FOXN3: variants seen among roughly 807,000 people sequenced by gnomAD.
FOXN3 encodes the protein forkhead box N3.
In FOXN3, 7 loss-of-function variants were observed where a neutral mutation model predicts 38.4. That is an observed-to-expected ratio of 0.18 (90% CI 0.10 to 0.34). The LOEUF is 0.34. Ranked by LOEUF, FOXN3 falls within the 10% of genes least tolerant of loss-of-function variation. The pLI is 1.00. For synonymous variants in FOXN3, 230 were observed against 242.2 expected, an observed-to-expected ratio of 0.95 and a Z score of 0.47; for missense variants, 456 against 613.4, an observed-to-expected ratio of 0.74 and a Z score of 2.71.
chr14:89,354,637 C>A (rs1889130968), intron 2 of FOXN3, among the ~76,000 whole-genome samples: 1 of 151,146 alleles, frequency 6.6e-6, no homozygotes, highest in South Asian at 2.1e-4. Flanking sequence ...GGTGGATCAC[C>A]TGAGGTCAGG....
chr14:89,381,079 T>C (rs561535542), intron 2 of FOXN3, among the ~76,000 whole-genome samples: 1 of 144,852 alleles, frequency 6.9e-6, no homozygotes, highest in South Asian at 2.2e-4. Flanking sequence ...GAAGCAGCGA[T>C]TGCAGTGAGC....
chr14:89,492,404 C>G (rs1172492385), intron 1 of FOXN3, among the ~76,000 whole-genome samples: 1 of 143,078 alleles, frequency 7.0e-6, no homozygotes, highest in Non-Finnish European at 1.5e-5. Flanking sequence ...GTGGGCAGAG[C>G]AGCTCGTCCT....
intron 3 of FOXN3, among the ~76,000 whole-genome samples, chr14:89,292,361 G>A (rs924404774): frequency 6.6e-5 from 10 of 152,200 alleles, no homozygotes; most frequent in Middle Eastern, 3.4e-3. Context: ...CACCGACAGC[G>A]CAGCTTCCAC....
intron 2 of FOXN3, among the ~76,000 whole-genome samples, chr14:89,397,278 C>T (rs1217550473): frequency 6.6e-6 from 1 of 151,832 alleles, no homozygotes; most frequent in Middle Eastern, 3.4e-3. Flanking sequence ...ACACTGGGGC[C>T]TATTGGAGGG....
chr14:89,259,707 T>C (rs1054343639), intron 4 of FOXN3, among the ~76,000 whole-genome samples: 5 of 152,174 alleles, frequency 3.3e-5, no homozygotes, highest in African/African-American at 1.2e-4. Context: ...AGAGCAGCTC[T>C]AAAGCAGATG....
At chr14:89,267,771 A>AATG (rs1886027361) in intron 4 of FOXN3, among the ~76,000 whole-genome samples, 1 of 152,188 alleles carries the variant, frequency 6.6e-6, no homozygotes, top group Non-Finnish European at 1.5e-5. Context: ...TAAAAGAGAA[A>AATG]ATGTGTTCCA....
rs548541649 is a variant in FOXN3 at position 89,227,562 on chromosome 14, C to T, written c.746-46756G>A. ...GTTGTTTTCAAAGGTTCTAGACCAG[C>T]GGTTCTTCTGAATTTTTGTGGGGTG... On this transcript the variant is annotated intron_variant, in intron 4 of 5. Coordinates refer to ENST00000557258, the MANE Select transcript of FOXN3 (RefSeq NM_005197.4). Among the ~76,000 whole-genome samples the T allele has an allele frequency of 1.2e-4, 19 of 152,180 alleles. No individual in the cohort carries two copies. The East Asian group carries it at 1.7e-3, about 14-fold the overall frequency.
At chr14:89,538,788 G>A (rs942355923) in intron 1 of FOXN3, among the ~76,000 whole-genome samples, 3 of 152,016 alleles carry the variant, frequency 2.0e-5, no homozygotes, top group Non-Finnish European at 4.4e-5. Context: ...AAAAGAGCTG[G>A]AATTACAGGC....
At chr14:89,539,635 C>T (rs1196996160) in intron 1 of FOXN3, among the ~76,000 whole-genome samples, 2 of 152,170 alleles carry the variant, frequency 1.3e-5, no homozygotes, top group Admixed American at 6.5e-5. Flanking sequence ...CCTCAGTTTC[C>T]ATATCAGTCA....
intron 3 of FOXN3, among the ~76,000 whole-genome samples, chr14:89,337,654 G>GTTT (rs1888505053): frequency 6.8e-6 from 1 of 146,980 alleles, no homozygotes. Context: ...TTTTTGAGAC[G>GTTT]GAGTCTTGCT....
chr14:89,290,735 A>C, intron 3 of FOXN3: 1 of 336,846 alleles, frequency 3.0e-6, no homozygotes, highest in Non-Finnish European at 5.8e-6. Flanking sequence ...GCCCTCCGTG[A>C]GCCTGCAGGC....
intron 1 of FOXN3, among the ~76,000 whole-genome samples, chr14:89,538,606 C>T (rs941175234): frequency 1.3e-5 from 2 of 152,172 alleles, no homozygotes; most frequent in African/African-American, 4.8e-5. Context: ...ACAACCTCTG[C>T]CTCCCGAGTT....
chr14:89,359,564 G>A (rs1889373349), intron 2 of FOXN3, among the ~76,000 whole-genome samples: 1 of 152,158 alleles, frequency 6.6e-6, no homozygotes, highest in South Asian at 2.1e-4. Context: ...TGGAAGGATC[G>A]AAATAGAACA....
At chr14:89,316,016 T>A (rs763807841) in intron 3 of FOXN3, among the ~76,000 whole-genome samples, 27 of 152,170 alleles carry the variant, frequency 1.8e-4, no homozygotes, top group Non-Finnish European at 3.2e-4. Flanking sequence ...CAATGGCCCA[T>A]GACAATCATG....
intron 4 of FOXN3, among the ~76,000 whole-genome samples, chr14:89,242,523 C>T (rs1596126306): frequency 6.6e-6 from 1 of 152,046 alleles, no homozygotes; most frequent in Admixed American, 6.5e-5. Flanking sequence ...TTGCATTACT[C>T]AAACAGAAAG....
intron 4 of FOXN3, among the ~76,000 whole-genome samples, chr14:89,255,611 T>C (rs1885593545): frequency 6.6e-6 from 1 of 151,728 alleles, no homozygotes; most frequent in African/African-American, 2.4e-5. Flanking sequence ...GCCCAGGGAG[T>C]TGACTATAAA....
At chr14:89,365,191 T>C (rs1890100495) in intron 2 of FOXN3, among the ~76,000 whole-genome samples, 1 of 152,138 alleles carries the variant, frequency 6.6e-6, no homozygotes, top group Non-Finnish European at 1.5e-5. Context: ...CACACGTCAA[T>C]GTCATTTTCA....
chr14:89,476,336 C>T (rs908320876), intron 1 of FOXN3, among the ~76,000 whole-genome samples: 3 of 152,132 alleles, frequency 2.0e-5, no homozygotes, highest in Admixed American at 2.0e-4. Flanking sequence ...TCAAGAGATC[C>T]CAACTTCAAA....
intron 1 of FOXN3, among the ~76,000 whole-genome samples, chr14:89,423,613 T>C (rs1469784782): frequency 1.3e-5 from 2 of 151,822 alleles, no homozygotes; most frequent in Non-Finnish European, 2.9e-5. Context: ...AGGGGCAAAT[T>C]CACAAAAAGA....
Sources: gnomAD v4.1 joint callset for allele counts (sites outside exome capture counted in the v4.1 genomes callset) on GRCh38, gnomAD v4.1.1 for gene constraint, MANE v1.5 for transcripts, NCBI Gene and HGNC (gene_info 2026-07-23, HGNC 2026-07-21) for gene names.